The following CERKL variants were observed in gnomAD, a reference collection of about 807,000 sequenced individuals.
CERKL encodes the protein CERK like autophagy regulator.
A neutral mutation model predicts 63.4 loss-of-function variants in CERKL; 61 were observed. The observed-to-expected ratio is 0.96, with a 90% CI of 0.78 to 1.19. The LOEUF (loss-of-function observed/expected upper bound fraction) is 1.19, where lower values mean the gene tolerates loss of function less well. CERKL is among the 50% of genes most tolerant of loss of function. CERKL has a pLI of 0.00. For missense variants in CERKL, 675 were observed against 655.5 expected, an observed-to-expected ratio of 1.03 and a Z score of -0.33; for synonymous variants, 250 against 230.5, an observed-to-expected ratio of 1.08 and a Z score of -0.77.
At chr2:181,540,255 G>A (rs147729532) in intron 11 of CERKL, among the ~76,000 whole-genome samples, 13 of 152,264 alleles carry the variant, frequency 8.5e-5, no homozygotes, top group South Asian at 6.2e-4. Context: ...CAGTAACTGC[G>A]TTAGACCTCC....
intron 5 of CERKL, among the ~76,000 whole-genome samples, chr2:181,553,994 G>A (rs962150115): frequency 6.6e-6 from 1 of 151,912 alleles, no homozygotes; most frequent in African/African-American, 2.4e-5. Context: ...TCTACCTCAA[G>A]GTAAACATTT....
chr2:181,609,701 CTAAA>C (rs552448585), intron 1 of CERKL, among the ~76,000 whole-genome samples: 1 of 151,380 alleles, frequency 6.6e-6, no homozygotes, highest in Non-Finnish European at 1.5e-5. Context: ...AACTCTGTCT[CTAAA>C]TAAATAAATA....
chr2:181,622,259 T>C (rs1436589960), intron 1 of CERKL, among the ~76,000 whole-genome samples: 2 of 152,230 alleles, frequency 1.3e-5, no homozygotes, highest in African/African-American at 2.4e-5. Flanking sequence ...TCAAGCCGCA[T>C]GCTCTTTGCC....
intron 2 of CERKL, among the ~76,000 whole-genome samples, chr2:181,602,123 T>A (rs1175647780): frequency 6.6e-6 from 1 of 152,188 alleles, no homozygotes; most frequent in Non-Finnish European, 1.5e-5. Context: ...TAAAATTGCT[T>A]TTACTGAATT....
At chr2:181,569,207 C>T (rs1363185533) in intron 3 of CERKL, among the ~76,000 whole-genome samples, 1 of 152,144 alleles carries the variant, frequency 6.6e-6, no homozygotes, top group Non-Finnish European at 1.5e-5. Context: ...GCCATATACA[C>T]CCACAATTAT....
intron 5 of CERKL, among the ~76,000 whole-genome samples, chr2:181,556,005 G>A (rs1163579298): frequency 6.6e-6 from 1 of 151,876 alleles, no homozygotes; most frequent in African/African-American, 2.4e-5. Flanking sequence ...CACTACCTCG[G>A]CCTCCCAAAG....
intron 2 of CERKL, among the ~76,000 whole-genome samples, chr2:181,600,656 T>C (rs1257223036): frequency 1.3e-5 from 2 of 152,124 alleles, no homozygotes; most frequent in Non-Finnish European, 2.9e-5. Context: ...AACCAGAAGA[T>C]TTAACTATCC....
intron 1 of CERKL, among the ~76,000 whole-genome samples, chr2:181,643,194 T>C (rs561255050): frequency 3.3e-4 from 51 of 152,330 alleles, no homozygotes; most frequent in African/African-American, 1.2e-3. Context: ...GAAATAGGTA[T>C]TTTCTTTAAA....
intron 1 of CERKL, among the ~76,000 whole-genome samples, chr2:181,614,101 G>C (rs553296197): frequency 6.8e-6 from 1 of 147,446 alleles, no homozygotes; most frequent in African/African-American, 2.7e-5. Flanking sequence ...TATATGAGGA[G>C]TGGACCAGCT....
At position 181,538,062 on chromosome 2, in the gene CERKL, C is replaced by T. The variant is rs1356176290; in HGVS notation, c.*122G>A. The T allele has an allele frequency of 1.4e-6, 1 of 716,386 alleles. No homozygotes were observed. The highest frequency in any genetic ancestry group is 2.6e-6 in the Non-Finnish European group (1 of 386,698). 44.4% of individuals were successfully genotyped at this position (716,386 alleles called of 1,614,324 possible). The stretch of plus-strand genomic sequence containing the variant: ...CATCCTGAAACCATTCCCCCATCCA[C>T]GGAAAAATTGTCTTCCATGAAACTG... On this transcript the variant is annotated 3_prime_UTR_variant, in exon 13 of 13. Transcript: ENST00000410087.
chr2:181,567,587 AATCAAAG>A (rs1688720197), intron 3 of CERKL, among the ~76,000 whole-genome samples: 1 of 152,188 alleles, frequency 6.6e-6, no homozygotes, highest in African/African-American at 2.4e-5. Flanking sequence ...AGTCCAATAA[AATCAAAG>A]ATCTAGAACA....
rs770284500 is a variant in CERKL, at chr2:181,544,718, A to G, written c.1347T>C (p.Tyr449=). 1.2e-6 allele frequency: 2 copies of G among 1,602,742 alleles called. No homozygotes were observed. The highest frequency in any genetic ancestry group is 1.1e-5 in the South Asian group (1 of 90,034). The part of the protein sequence containing the change: ...RPEFIKHLKR[Y]ASVKNQFNFP... ...ACTATACCTGATTTTTTACACTGGC[A>G]TATCTTTTCAGGTGTTTTATAAATT... The change falls in exon 11 of 13, where the codon TAT becomes TAC. Residue 449 remains tyrosine, a synonymous_variant. Transcript: ENST00000410087.
chr2:181,643,271 G>T (rs1458592095), intron 1 of CERKL, among the ~76,000 whole-genome samples: 2 of 152,084 alleles, frequency 1.3e-5, no homozygotes, highest in Non-Finnish European at 2.9e-5. Context: ...CCTTCATTTT[G>T]CCAGTGAATA....
At chr2:181,599,139 C>T (rs893289895) in intron 2 of CERKL, among the ~76,000 whole-genome samples, 10 of 152,074 alleles carry the variant, frequency 6.6e-5, no homozygotes, top group Non-Finnish European at 1.3e-4. Flanking sequence ...TTCAAATAAA[C>T]CAGAAACACA....
Position 181,544,769 on chromosome 2 carries a change from TATAAGAGCC to T in CERKL, c.1287_1295del (p.Met429_Leu431del), listed in dbSNP as rs1164855517. On this transcript the variant is annotated inframe_deletion, in exon 11 of 13. Coordinates refer to ENST00000410087, the MANE Select transcript of CERKL (RefSeq NM_201548.5). Reference sequence around the variant, plus strand: ...CTGGCCGAGAAGTGTTTCGGGCAATTATAAGAGCCATACTTCCATTATTTAATCTGAAAT... The same window carrying T: ...CTGGCCGAGAAGTGTTTCGGGCAATTATACTTCCATTATTTAATCTGAAAT... 3 of 1,604,846 alleles carry T rather than the reference TATAAGAGCC, an allele frequency of 1.9e-6. No homozygotes were observed. In the Admixed American group the frequency reaches 5.0e-5, roughly 27 times the overall value.
intron 1 of CERKL, among the ~76,000 whole-genome samples, chr2:181,651,913 TAAA>T (rs1553524758): frequency 6.7e-6 from 1 of 148,556 alleles, no homozygotes; most frequent in African/African-American, 2.4e-5. Context: ...AGTACTTTTT[TAAA>T]AAAAAAGATA....
chr2:181,640,922 C>T (rs1687392560), intron 1 of CERKL, among the ~76,000 whole-genome samples: 1 of 152,134 alleles, frequency 6.6e-6, no homozygotes, highest in Non-Finnish European at 1.5e-5. Flanking sequence ...CCAGAGGGCC[C>T]CATCCGGGAT....
At chr2:181,630,575 T>C (rs545905021) in intron 1 of CERKL, among the ~76,000 whole-genome samples, 7 of 152,234 alleles carry the variant, frequency 4.6e-5, no homozygotes, top group South Asian at 2.1e-4. Flanking sequence ...GAGATCTCTA[T>C]CCATGCAGGC....
At chr2:181,556,879 A>G (rs1688233270) in intron 5 of CERKL, among the ~76,000 whole-genome samples, 1 of 152,126 alleles carries the variant, frequency 6.6e-6, no homozygotes, top group South Asian at 2.1e-4. Flanking sequence ...AAGTGTTCCT[A>G]TTTCTCCACA....
Sources: allele counts gnomAD v4.1 joint callset (sites outside exome capture counted in the v4.1 genomes callset), GRCh38; gene constraint gnomAD v4.1.1; transcripts MANE v1.5; gene names NCBI Gene and HGNC (gene_info 2026-07-23, HGNC 2026-07-21).